Variants in SLC17A8 observed in about 807,000 individuals in gnomAD.
The protein encoded by SLC17A8 is solute carrier family 17 member 8, also known as vesicular glutamate transporter 3.
Under a neutral mutation model 58.0 loss-of-function variants are expected in SLC17A8, and 31 were observed. The ratio of observed to expected loss-of-function variants is 0.53; its 90% CI spans 0.40 to 0.72. The LOEUF (loss-of-function observed/expected upper bound fraction) is 0.72. Among genes scored for constraint, SLC17A8 ranks in the 30% least tolerant of loss-of-function variants. SLC17A8 has a pLI of 0.00. For synonymous variants in SLC17A8, 228 were observed against 249.0 expected (o/e 0.92, Z 0.79); for missense variants, 655 against 727.8 (o/e 0.90, Z 1.15).
chr12:100,367,466 A>G (rs1040265637), intron 1 of SLC17A8, among the ~76,000 whole-genome samples: 6 of 152,238 alleles, frequency 3.9e-5, no homozygotes, highest in Non-Finnish European at 7.3e-5. Context: ...AAAAGAGAGG[A>G]TGTAGACCTG....
At chr12:100,400,178 G>A (rs554948230) in intron 5 of SLC17A8, among the ~76,000 whole-genome samples, 39 of 152,148 alleles carry the variant, frequency 2.6e-4, no homozygotes, top group African/African-American at 9.4e-4. Context: ...ACCTAAACCA[G>A]ACTCACCCAC....
chr12:100,368,041 G>T (rs575994164), intron 1 of SLC17A8, among the ~76,000 whole-genome samples: 4 of 152,322 alleles, frequency 2.6e-5, no homozygotes, highest in Admixed American at 1.3e-4. Context: ...TAAGGCCTTT[G>T]CCGGGATGTT....
intron 1 of SLC17A8, 62 bp downstream of exon 1, chr12:100,357,554 A>T (rs1952456113): frequency 9.0e-7 from 1 of 1,105,832 alleles, no homozygotes; most frequent in South Asian, 1.2e-5. Context: ...AATGTGTGAG[A>T]GACTTGGTAT....
intron 4 of SLC17A8, among the ~76,000 whole-genome samples, chr12:100,396,072 T>C (rs183117630): frequency 6.6e-6 from 1 of 152,330 alleles, no homozygotes; most frequent in East Asian, 1.9e-4. Context: ...GAGTTTCTTT[T>C]ATAAGGCACT....
intron 1 of SLC17A8, among the ~76,000 whole-genome samples, chr12:100,361,078 C>T (rs1040798477): frequency 6.6e-6 from 1 of 152,138 alleles, no homozygotes; most frequent in Non-Finnish European, 1.5e-5. Flanking sequence ...TCAGGTGATC[C>T]TGGGTTCCAA....
chr12:100,401,678 C>T (rs548879576), intron 5 of SLC17A8, 99 bp from the exon 6 acceptor site: 7 of 994,964 alleles, frequency 7.0e-6, no homozygotes, highest in Non-Finnish European at 6.4e-6. Context: ...GATTCCTGCT[C>T]AGTTTGATTA....
At chr12:100,417,280 T>C (rs1952913260) in intron 10 of SLC17A8, among the ~76,000 whole-genome samples, 1 of 152,180 alleles carries the variant, frequency 6.6e-6, no homozygotes, top group Non-Finnish European at 1.5e-5. Flanking sequence ...GTAGCAGTAG[T>C]AGTAGTGGTA....
intron 2 of SLC17A8, among the ~76,000 whole-genome samples, chr12:100,382,788 G>A (rs1952646596): frequency 6.6e-6 from 1 of 152,176 alleles, no homozygotes; most frequent in African/African-American, 2.4e-5. Context: ...ATATCTATTA[G>A]CATCATCTGG....
At chr12:100,413,148 C>A (rs1952882595) in intron 10 of SLC17A8, among the ~76,000 whole-genome samples, 1 of 152,118 alleles carries the variant, frequency 6.6e-6, no homozygotes, top group African/African-American at 2.4e-5. Context: ...GAGACACGAG[C>A]AGAGGCCCAA....
intron 10 of SLC17A8, among the ~76,000 whole-genome samples, chr12:100,414,685 T>G (rs1241720658): frequency 6.6e-6 from 1 of 152,254 alleles, no homozygotes; most frequent in Non-Finnish European, 1.5e-5. Context: ...AAATACTTAT[T>G]CAAATAAAAA....
At chr12:100,409,189 GTATGTA>G (rs1952848666) in intron 9 of SLC17A8, among the ~76,000 whole-genome samples, 5 of 148,362 alleles carry the variant, frequency 3.4e-5, no homozygotes, top group South Asian at 2.1e-4. Flanking sequence ...ATGTATGTAT[GTATGTA>G]TGTATTTAGA....
intron 9 of SLC17A8, among the ~76,000 whole-genome samples, chr12:100,407,594 TG>T (rs1952835830): frequency 7.4e-6 from 1 of 134,490 alleles, no homozygotes; most frequent in African/African-American, 2.5e-5. Context: ...ATATTTTTTT[TG>T]TTTGTTTGTT....
chr12:100,375,871 T>C (rs4764736), intron 1 of SLC17A8, among the ~76,000 whole-genome samples: 92,721 of 152,116 alleles, frequency 0.61, 29,665 homozygotes, highest in East Asian at 0.99. Context: ...GGGATTCTTA[T>C]GGGCTGAATT....
chr12:100,415,086 C>G (rs946044004), intron 10 of SLC17A8, among the ~76,000 whole-genome samples: 1 of 152,176 alleles, frequency 6.6e-6, no homozygotes, highest in Non-Finnish European at 1.5e-5. Context: ...TCCTTTCCCC[C>G]GATTGCCAAT....
rs767399735 is a variant in SLC17A8, at chr12:100,412,889, TC to T, written c.1297+11del. On this transcript the variant is annotated intron_variant, in intron 10 of 11. Transcript: ENST00000323346. ...TGGCTTCGCTATTTCAGGTAATGTG[TC>T]CTTTGGGTTTCCAGATCTTGACTAT... The T allele has an allele frequency of 1.9e-6, 3 of 1,597,254 alleles. No homozygotes were observed. The South Asian group carries it at 3.3e-5, about 18-fold the overall frequency.
intron 1 of SLC17A8, among the ~76,000 whole-genome samples, chr12:100,366,169 C>A (rs1324909011): frequency 1.3e-5 from 2 of 149,472 alleles, no homozygotes; most frequent in African/African-American, 4.9e-5. Flanking sequence ...CTCTGTCATT[C>A]TGCATAATAT....
At chr12:100,372,089 A>G (rs1952562666) in intron 1 of SLC17A8, among the ~76,000 whole-genome samples, 1 of 152,200 alleles carries the variant, frequency 6.6e-6, no homozygotes, top group South Asian at 2.1e-4. Context: ...CATGAGCTAA[A>G]TGGGACCTTT....
intron 1 of SLC17A8, among the ~76,000 whole-genome samples, chr12:100,374,275 T>C (rs1566388688): frequency 6.6e-6 from 1 of 152,166 alleles, no homozygotes. Context: ...CTCTGTGAGC[T>C]AGGCTATACA....
chr12:100,376,245 A>G (rs1464331760), intron 1 of SLC17A8, among the ~76,000 whole-genome samples: 1 of 152,216 alleles, frequency 6.6e-6, no homozygotes, highest in East Asian at 1.9e-4. Flanking sequence ...GCTTTGTTAC[A>G]GCATCCCTGG....
Sources: gnomAD v4.1 joint callset for allele counts (sites outside exome capture counted in the v4.1 genomes callset) on GRCh38, gnomAD v4.1.1 for gene constraint, MANE v1.5 for transcripts, NCBI Gene and HGNC (gene_info 2026-07-23, HGNC 2026-07-21) for gene names.